Variants in LINGO2 observed in about 807,000 individuals in gnomAD.
The protein encoded by LINGO2 is leucine-rich repeat and immunoglobulin-like domain-containing nogo receptor-interacting protein 2.
In LINGO2, 14 loss-of-function variants were observed where a neutral mutation model predicts 30.6. The ratio of observed to expected loss-of-function variants is 0.46; its 90% CI spans 0.30 to 0.72. LINGO2 has a LOEUF of 0.72. Among genes scored for constraint, LINGO2 ranks in the 30% least tolerant of loss-of-function variants. LINGO2 has a pLI of 0.07. For missense variants in LINGO2, 729 were observed against 751.7 expected (o/e 0.97, Z 0.35); for synonymous variants, 317 against 288.5 (o/e 1.10, Z -1.00).
At chr9:28,843,548 T>C in the LINGO2 span, among the ~76,000 whole-genome samples, 1 of 151,582 alleles carries the variant, frequency 6.6e-6, no homozygotes, top group Admixed American at 6.6e-5. Context: ...CAGAGACATA[T>C]TGAAAAATCC....
At chr9:29,010,328 C>G in the LINGO2 span, among the ~76,000 whole-genome samples, 1 of 152,056 alleles carries the variant, frequency 6.6e-6, no homozygotes. Context: ...AGCTGTAATA[C>G]TTGACAAAGT....
chr9:28,521,750 A>G (rs1360875620), intron 1 of LINGO2, among the ~76,000 whole-genome samples: 1 of 152,298 alleles, frequency 6.6e-6, no homozygotes, highest in East Asian at 1.9e-4. Context: ...TTCTTTGCAG[A>G]TATAATCAAG....
At chr9:28,289,197 A>G (rs2134160768) in intron 4 of LINGO2, among the ~76,000 whole-genome samples, 1 of 152,340 alleles carries the variant, frequency 6.6e-6, no homozygotes, top group Non-Finnish European at 1.5e-5. Context: ...TGCCATTCAT[A>G]CAACAGAGAA....
chr9:28,820,634 A>C, the LINGO2 span, among the ~76,000 whole-genome samples: 8 of 152,328 alleles, frequency 5.3e-5, no homozygotes, highest in Admixed American at 4.6e-4. Context: ...TGGCAAACAT[A>C]ATTCACAAAT....
the LINGO2 span, chr9:27,942,933 G>C: frequency 6.6e-6 from 1 of 152,098 alleles, no homozygotes; most frequent in Non-Finnish European, 1.5e-5. Flanking sequence ...ACCTGATTTT[G>C]TAACTGGGGA....
At chr9:28,173,273 C>G (rs1043003977) in intron 4 of LINGO2, among the ~76,000 whole-genome samples, 13 of 152,178 alleles carry the variant, frequency 8.5e-5, no homozygotes, top group African/African-American at 3.1e-4. Context: ...TCATATTCTT[C>G]ATCCTCTATT....
chr9:28,703,390 G>A, the LINGO2 span, among the ~76,000 whole-genome samples: 15 of 151,066 alleles, frequency 9.9e-5, no homozygotes, highest in South Asian at 1.3e-3. Context: ...TTATTTAGAC[G>A]TGTGTTGTTT....
intron 4 of LINGO2, among the ~76,000 whole-genome samples, chr9:28,269,390 A>G (rs1272075220): frequency 6.6e-6 from 1 of 152,080 alleles, no homozygotes; most frequent in Non-Finnish European, 1.5e-5. Flanking sequence ...TGTCTATATA[A>G]ATTTCCTATA....
the LINGO2 span, among the ~76,000 whole-genome samples, chr9:28,754,017 A>AACACACAC: frequency 0.035 from 5,065 of 146,044 alleles, 293 homozygotes; most frequent in African/African-American, 0.12. Context: ...CACACACACA[A>AACACACAC]ACACACACAC....
intron 1 of LINGO2, among the ~76,000 whole-genome samples, chr9:28,563,388 C>T (rs1318966588): frequency 1.3e-5 from 2 of 151,976 alleles, no homozygotes; most frequent in East Asian, 3.9e-4. Context: ...ACTTAGTGAC[C>T]AGAAGTCATA....
chr9:27,937,967 A>G, the LINGO2 span: 4 of 152,308 alleles, frequency 2.6e-5, no homozygotes, highest in South Asian at 4.1e-4. Context: ...ACAATGATAC[A>G]GAAAGCTGGG....
intron 1 of LINGO2, among the ~76,000 whole-genome samples, chr9:28,583,187 T>G (rs1420154325): frequency 6.6e-6 from 1 of 151,936 alleles, no homozygotes; most frequent in African/African-American, 2.4e-5. Flanking sequence ...ATATTAAAAC[T>G]CAGAAGATAA....
At chr9:28,661,305 G>A (rs1828575186) in intron 1 of LINGO2, among the ~76,000 whole-genome samples, 1 of 152,144 alleles carries the variant, frequency 6.6e-6, no homozygotes, top group South Asian at 2.1e-4. Flanking sequence ...TGTTGTATCT[G>A]TCAGAAAGTT....
chr9:28,902,256 G>T, the LINGO2 span, among the ~76,000 whole-genome samples: 1 of 151,946 alleles, frequency 6.6e-6, no homozygotes, highest in Non-Finnish European at 1.5e-5. Context: ...AAGAGAGCAG[G>T]TATAGCTATG....
intron 2 of LINGO2, among the ~76,000 whole-genome samples, chr9:28,465,686 G>T (rs1174761800): frequency 2.6e-5 from 4 of 152,120 alleles, no homozygotes; most frequent in African/African-American, 9.7e-5. Context: ...CCACAGAATA[G>T]GAGAAAATAT....
At chr9:28,746,909 T>G in the LINGO2 span, among the ~76,000 whole-genome samples, 1 of 151,984 alleles carries the variant, frequency 6.6e-6, no homozygotes, top group African/African-American at 2.4e-5. Flanking sequence ...ATAATGATAT[T>G]GACTTCAGAG....
At chr9:28,907,488 G>A in the LINGO2 span, among the ~76,000 whole-genome samples, 1 of 151,854 alleles carries the variant, frequency 6.6e-6, no homozygotes, top group Non-Finnish European at 1.5e-5. Context: ...GGAGAGAAGT[G>A]ATGACATATT....
chr9:29,023,796 C>A, the LINGO2 span, among the ~76,000 whole-genome samples: 1 of 152,024 alleles, frequency 6.6e-6, no homozygotes, highest in East Asian at 1.9e-4. Context: ...ATATTCAAAA[C>A]TTTTGTGATC....
intron 5 of LINGO2, among the ~76,000 whole-genome samples, chr9:28,007,612 TAAAAC>T (rs1420535925): frequency 1.3e-5 from 2 of 151,986 alleles, no homozygotes; most frequent in African/African-American, 4.8e-5. Flanking sequence ...CCCTGACAAA[TAAAAC>T]AAAACATTGG....
Sources: allele counts gnomAD v4.1 joint callset (sites outside exome capture counted in the v4.1 genomes callset), GRCh38; gene constraint gnomAD v4.1.1; transcripts MANE v1.5; gene names NCBI Gene and HGNC (gene_info 2026-07-23, HGNC 2026-07-21).